NCAPG2: variants seen among roughly 807,000 people sequenced by gnomAD.
NCAPG2 encodes the protein non-SMC condensin II complex subunit G2.
In NCAPG2, 53 loss-of-function variants were observed where a neutral mutation model predicts 141.1. The ratio of observed to expected loss-of-function variants is 0.38; its 90% CI spans 0.30 to 0.47. The LOEUF (loss-of-function observed/expected upper bound fraction) is 0.47. NCAPG2 is among the 20% of genes least tolerant of loss of function. NCAPG2 has a pLI of 0.99. For missense variants in NCAPG2, 1,087 were observed against 1,389.0 expected (o/e 0.78, Z 3.46); for synonymous variants, 499 against 490.7 (o/e 1.02, Z -0.22).
At chr7:158,661,304 C>T (rs13243036) in intron 16 of NCAPG2, among the ~76,000 whole-genome samples, 46,696 of 152,132 alleles carry the variant, frequency 0.31, 7,371 homozygotes, top group East Asian at 0.4. Context: ...TATATTTAAA[C>T]CACACTTTCT....
intron 4 of NCAPG2, 43 bp from the exon 5 acceptor site, chr7:158,690,765 C>A: frequency 6.4e-7 from 1 of 1,564,350 alleles, no homozygotes; most frequent in South Asian, 1.1e-5. Context: ...AAGGCAAATT[C>A]TTATTACTTC....
intron 4 of NCAPG2, among the ~76,000 whole-genome samples, chr7:158,691,113 T>C (rs1029599493): frequency 6.6e-6 from 1 of 152,184 alleles, no homozygotes; most frequent in African/African-American, 2.4e-5. Flanking sequence ...AATCCACTAC[T>C]ATCCCTCAAT....
Position 158,634,357 on chromosome 7 carries a change from T to C in NCAPG2, c.3381-2640A>G, listed in dbSNP as rs944096325. On this transcript the variant is annotated intron_variant, in intron 27 of 27. Coordinates refer to ENST00000356309, the MANE Select transcript of NCAPG2 (RefSeq NM_017760.7). ...CTATATACTATATCGTCTATATTGT[T>C]ATACTATACTAATAGTTGTTATACT... 3.9e-5 allele frequency among the ~76,000 whole-genome samples: 6 copies of C among 152,324 alleles called. No homozygotes were observed. The South Asian group carries it at 1.2e-3, about 32-fold the overall frequency.
intron 27 of NCAPG2, chr7:158,639,952 T>C (rs1830520960): frequency 1.7e-6 from 1 of 576,348 alleles, no homozygotes. Flanking sequence ...ACATGTATAA[T>C]AAGAATTTCA....
At chr7:158,653,374 A>AAAT (rs1372474934) in intron 22 of NCAPG2, among the ~76,000 whole-genome samples, 20 of 93,486 alleles carry the variant, frequency 2.1e-4, no homozygotes, top group African/African-American at 5.1e-4. Flanking sequence ...CAAAAAAAAA[A>AAAT]AAATAAAAAA....
At chr7:158,655,967 T>A (rs566922491) in intron 19 of NCAPG2, among the ~76,000 whole-genome samples, 2 of 152,254 alleles carry the variant, frequency 1.3e-5, no homozygotes, top group Non-Finnish European at 2.9e-5. Flanking sequence ...ATGTGACACA[T>A]CTCCTGCAGA....
At chr7:158,652,935 T>C (rs1053193908) in intron 22 of NCAPG2, among the ~76,000 whole-genome samples, 1 of 152,222 alleles carries the variant, frequency 6.6e-6, no homozygotes, top group Admixed American at 6.5e-5. Flanking sequence ...GTAAATTTTT[T>C]AAATAATAAA....
intron 13 of NCAPG2, 112 bp downstream of exon 13, chr7:158,671,402 C>G (rs1587213824): frequency 3.1e-6 from 4 of 1,286,596 alleles, no homozygotes; most frequent in East Asian, 2.3e-5. Context: ...GATAACTGGT[C>G]AAATCATATC....
intron 27 of NCAPG2, chr7:158,640,665 A>G (rs1023844566): frequency 1.3e-5 from 2 of 152,250 alleles, no homozygotes; most frequent in African/African-American, 4.8e-5. Context: ...ACCAAAATTA[A>G]GAGAATTAGT....
chr7:158,660,401 C>CTTTTTTTTTTTTTTTTTTTT (rs945928092), intron 16 of NCAPG2, among the ~76,000 whole-genome samples: 29 of 72,806 alleles, frequency 4.0e-4, no homozygotes, highest in Admixed American at 1.0e-3. Context: ...TTTCAGCTTT[C>CTTTTTTTTTTTTTTTTTTTT]TTTTTTTTTT....
At chr7:158,675,131 A>G (rs769755843) in intron 12 of NCAPG2, among the ~76,000 whole-genome samples, 1 of 152,218 alleles carries the variant, frequency 6.6e-6, no homozygotes, top group South Asian at 2.1e-4. Context: ...TAGGTGGGAG[A>G]TACTAAAAAA....
intron 27 of NCAPG2, among the ~76,000 whole-genome samples, chr7:158,634,409 GTTATA>G (rs1485628697): frequency 6.6e-6 from 1 of 151,970 alleles, no homozygotes; most frequent in Non-Finnish European, 1.5e-5. Context: ...ATCCTATACT[GTTATA>G]TTATATTAGG....
At position 158,690,079 on chromosome 7, in the gene NCAPG2, G is replaced by A. The variant is rs574470604; in HGVS notation, c.538-126C>T. ...GATTCATCAAAGATTAAAAAATAAC[G>A]ACAAATAAAAACAGATTTTAAAATT... On this transcript the variant is annotated intron_variant, in intron 5 of 27. Transcript: ENST00000356309. 33 of 999,052 alleles carry A rather than the reference G, an allele frequency of 3.3e-5. No homozygotes were observed. The South Asian group carries it at 7.1e-4, about 22-fold the overall frequency. 61.9% of individuals were successfully genotyped at this position (999,052 alleles called of 1,614,324 possible).
At chr7:158,649,237 A>T (rs1383704223) in intron 24 of NCAPG2, among the ~76,000 whole-genome samples, 1 of 152,274 alleles carries the variant, frequency 6.6e-6, no homozygotes, top group African/African-American at 2.4e-5. Context: ...CAAATGAAAA[A>T]AGAGACAAAC....
chr7:158,704,509 A>G (rs886228974), intron 1 of NCAPG2, among the ~76,000 whole-genome samples: 3 of 152,142 alleles, frequency 2.0e-5, no homozygotes, highest in Admixed American at 2.0e-4. Flanking sequence ...GACAAGAAGG[A>G]CGGGCGTCGC....
At chr7:158,687,280 C>A in intron 7 of NCAPG2, 68 bp downstream of exon 7, 1 of 1,098,622 alleles carries the variant, frequency 9.1e-7, no homozygotes, top group South Asian at 1.5e-5. Context: ...CTTAAGAAGT[C>A]AGACCAAATG....
intron 16 of NCAPG2, among the ~76,000 whole-genome samples, chr7:158,660,811 G>A (rs1255933502): frequency 2.6e-5 from 4 of 152,062 alleles, no homozygotes; most frequent in East Asian, 1.9e-4. Context: ...CACGTGTTAC[G>A]GGAGGGACAC....
Position 158,661,141 on chromosome 7 carries a change from C to T in NCAPG2, c.1989+1053G>A, listed in dbSNP as rs79350439. ...AATCTGCTTTCACGTCAGAGGCAGA[C>T]AGGCCATGCTTTCACGTCAGAGGCA... On this transcript the variant is annotated intron_variant, in intron 16 of 27. Coordinates refer to ENST00000356309, the MANE Select transcript of NCAPG2 (RefSeq NM_017760.7). Among the ~76,000 whole-genome samples, 1,426 of 152,218 alleles carry T rather than the reference C, an allele frequency of 9.4e-3. 8 individuals are homozygous for T. Among genetic ancestry groups the T allele is most frequent in the Admixed American group, 0.012 (176 of 15,280 alleles).
Position 158,656,544 on chromosome 7 carries a change from C to G in NCAPG2, c.2214+8G>C, listed in dbSNP as rs1481799186. 4 of 1,613,710 alleles carry G rather than the reference C, an allele frequency of 2.5e-6. No homozygotes were observed. Among genetic ancestry groups the G allele is most frequent in the Admixed American group, 1.7e-5 (1 of 59,988 alleles). ...ACCTAATTTTAAGGAAACATGATGT[C>G]AACCTACCTTGGCCTGGGCATGCTC... is the stretch of plus-strand genomic sequence containing the variant. On this transcript the variant is annotated splice_region_variant and intron_variant, in intron 18 of 27. Coordinates refer to ENST00000356309, the MANE Select transcript of NCAPG2 (RefSeq NM_017760.7).
Sources: gnomAD v4.1 joint callset for allele counts (sites outside exome capture counted in the v4.1 genomes callset) on GRCh38, gnomAD v4.1.1 for gene constraint, MANE v1.5 for transcripts, NCBI Gene and HGNC (gene_info 2026-07-23, HGNC 2026-07-21) for gene names.